The following MAPK13 variants were observed in gnomAD, a reference collection of about 807,000 sequenced individuals.
MAPK13 encodes the protein MAP kinase 13.
MAPK13 carries 39 observed loss-of-function variants against 53.5 expected under a neutral mutation model. The ratio of observed to expected loss-of-function variants is 0.73; its 90% CI spans 0.56 to 0.95. The LOEUF is 0.95. MAPK13 is among the 40% of genes least tolerant of loss of function. MAPK13 has a pLI of 0.00. For missense variants in MAPK13, 460 were observed against 471.8 expected (o/e 0.98, Z 0.23); for synonymous variants, 179 against 190.9 (o/e 0.94, Z 0.51).
rs1766345973 is a variant in MAPK13, at chr6:36,132,759, G to A, written c.308+80G>A. 5 of 1,491,938 alleles carry A rather than the reference G, an allele frequency of 3.4e-6. No homozygotes were observed. In the South Asian group the frequency reaches 3.4e-5, roughly 10 times the overall value. The allele number at this position is 1,491,938 out of a possible 1,614,324, so 92.4% of individuals were successfully genotyped here. On this transcript the variant is annotated intron_variant, in intron 3 of 11. Transcript: ENST00000211287. Reference sequence around the variant, plus strand: ...GGAGCAAGGTGGGGGAGGGTCTAGGGTTTCTATTCCGGGTGTGGCGGGGAG... The same window carrying A: ...GGAGCAAGGTGGGGGAGGGTCTAGGATTTCTATTCCGGGTGTGGCGGGGAG...
intron 9 of MAPK13, 85 bp downstream of exon 9, chr6:36,138,529 A>C (rs1302651008): frequency 4.3e-6 from 6 of 1,401,522 alleles, no homozygotes; most frequent in African/African-American, 2.8e-5. Context: ...TTGTGGAAGA[A>C]GGCTCACCAG....
At position 36,136,775 on chromosome 6, in the gene MAPK13, G is replaced by C; in HGVS notation, c.610+5G>C. 6.2e-7 allele frequency: 1 copy of C among 1,613,930 alleles called. No individual in the cohort carries two copies. On this transcript the variant is annotated splice_donor_5th_base_variant and intron_variant, in intron 7 of 11. Coordinates refer to ENST00000211287, the MANE Select transcript of MAPK13 (RefSeq NM_002754.5). ...GGATGCACTACAACCAGACAGGTCA[G>C]TGGTCAATGCCTGAGAGGGCGGTCC...
chr6:36,131,434 G>A lies in MAPK13; in HGVS notation c.249+34G>A, dbSNP rs771621286. The stretch of plus-strand genomic sequence containing the variant: ...TGGCTGCCCCGGGGAGGGGGTGGGG[G>A]CTGCCCTGGGGAGTCAGGGGCAGGC... On this transcript the variant is annotated intron_variant, in intron 2 of 11. Transcript: ENST00000211287. 6.9e-6 allele frequency: 11 copies of A among 1,596,318 alleles called. No individual in the cohort carries two copies. In the South Asian group the frequency reaches 7.9e-5, roughly 11 times the overall value.
intron 3 of MAPK13, among the ~76,000 whole-genome samples, chr6:36,134,504 C>T (rs753698231): frequency 7.9e-5 from 12 of 152,156 alleles, no homozygotes; most frequent in Non-Finnish European, 8.8e-5. Flanking sequence ...GCCATCCTCC[C>T]GCCTCAGCCC....
rs527743184 is a variant in MAPK13, at chr6:36,134,388, A to T, written c.309-1365A>T. On this transcript the variant is annotated intron_variant, in intron 3 of 11. Coordinates refer to ENST00000211287, the MANE Select transcript of MAPK13 (RefSeq NM_002754.5). ...AATTGTTTAAGGTAACATTCATTTT[A>T]AAAAAGTTTTAAATTTATTATATTC... Among the ~76,000 whole-genome samples, 82 of 152,308 alleles carry T rather than the reference A, an allele frequency of 5.4e-4. No individual in the cohort carries two copies. In the South Asian group the frequency reaches 5.4e-3, roughly 10 times the overall value.
Position 36,131,272 on chromosome 6 carries a change from T to C in MAPK13, c.121T>C (p.Ser41Pro). 6.2e-7 allele frequency: 1 copy of C among 1,612,114 alleles called. No homozygotes were observed. The highest frequency in any genetic ancestry group is 1.1e-5 in the South Asian group (1 of 90,972). Residue 41 changes from serine to proline, a missense_variant and splice_region_variant, in exon 2 of 12, where the codon TCG becomes CCG. Physicochemically the swap from Ser to Pro is moderately conservative, Grantham distance 74. Transcript: ENST00000211287. ...TGCTGACCGGCCTGTGCCCGACAGC[T>C]CGGCCATCGACAAGCGGTCAGGGGA... The part of the protein sequence containing the change: ...VGSGAYGSVC[S>P]AIDKRSGEKV...
At chr6:36,134,602 T>C (rs544582235) in intron 3 of MAPK13, among the ~76,000 whole-genome samples, 43 of 152,232 alleles carry the variant, frequency 2.8e-4, no homozygotes, top group Middle Eastern at 3.4e-3. Flanking sequence ...CTCACTATGT[T>C]ACTCATCCTG....
rs1036649507 is a variant in MAPK13, at chr6:36,138,443, C to T, written c.761C>T (p.Ala254Val). 4 of 1,613,648 alleles carry T rather than the reference C, an allele frequency of 2.5e-6. No individual in the cohort carries two copies. The highest frequency in any genetic ancestry group is 2.7e-5 in the African/African-American group (2 of 74,882). The change falls in exon 9 of 12, where the codon GCG (alanine) becomes GTG (valine). Residue 254 changes from alanine (A) to valine (V), a missense_variant and splice_region_variant. Transcript: ENST00000211287. ...TEFVQKLNDK[A>V]AKSYIQSLPQ... ...TTTGTGCAGAAGCTGAACGACAAAG[C>T]GGTGGGTGGTAAATGGGACCTAGGC...
At chr6:36,137,096 G>A (rs574245202) in intron 8 of MAPK13, 146 bp downstream of exon 8, 269 of 714,934 alleles carry the variant, frequency 3.8e-4, no homozygotes, top group African/African-American at 7.3e-4. Context: ...AAGGCTGGAC[G>A]CAGTGGTTCA....
rs886948228 is a variant in MAPK13, at chr6:36,131,402, T to C, written c.249+2T>C. 6 of 1,610,984 alleles carry C rather than the reference T, an allele frequency of 3.7e-6. No homozygotes were observed. The African/African-American group carries it at 5.3e-5, about 14-fold the overall frequency. ...CTGAAGCACATGCAGCATGAGAACG[T>C]AGGTGGTGGCTGCCCCGGGGAGGGG... On this transcript the variant is annotated splice_donor_variant, in intron 2 of 11. Transcript: ENST00000211287. LOFTEE classifies it high-confidence loss of function.
chr6:36,131,630 T>TGTGTTATCCTAC (rs1475155256), intron 2 of MAPK13, among the ~76,000 whole-genome samples: 2 of 152,212 alleles, frequency 1.3e-5, no homozygotes, highest in East Asian at 3.8e-4. Flanking sequence ...AGGTACAGAC[T>TGTGTTATCCTAC]GTGTTATCCT....
Position 36,136,513 on chromosome 6 carries a change from T to G in MAPK13, c.477T>G (p.Asn159Lys). 2 of 1,604,172 alleles carry G rather than the reference T, an allele frequency of 1.2e-6. No homozygotes were observed. The highest frequency in any genetic ancestry group is 1.7e-6 in the Non-Finnish European group (2 of 1,175,320). ...TGAAGCCAGGCAACCTGGCTGTGAA[T>G]GAGGACTGTGAACTGAAGGTGAGTG... ...RDLKPGNLAV[N>K]EDCELKILDF... Residue 159 changes from asparagine (N) to lysine (K), a missense_variant, in exon 6 of 12, where the codon AAT becomes AAG. Asn to Lys is a moderately conservative substitution (Grantham distance 94). Coordinates refer to ENST00000211287, the MANE Select transcript of MAPK13 (RefSeq NM_002754.5).
intron 8 of MAPK13, among the ~76,000 whole-genome samples, chr6:36,138,102 GAA>G (rs2127487154): frequency 6.6e-6 from 1 of 152,118 alleles, no homozygotes; most frequent in East Asian, 1.9e-4. Flanking sequence ...CGAGGAAACA[GAA>G]AAGAGTCACT....
intron 8 of MAPK13, among the ~76,000 whole-genome samples, chr6:36,137,771 G>C (rs1221569274): frequency 6.6e-6 from 1 of 151,728 alleles, no homozygotes; most frequent in African/African-American, 2.4e-5. Flanking sequence ...GACCAGCCTG[G>C]CCAACGTGGT....
intron 8 of MAPK13, among the ~76,000 whole-genome samples, chr6:36,137,735 C>T (rs958747001): frequency 2.2e-4 from 33 of 150,922 alleles, no homozygotes; most frequent in African/African-American, 7.5e-4. Context: ...CCATGGCAGG[C>T]GGATCACCTG....
Position 36,138,902 on chromosome 6 carries a change from C to G in MAPK13, c.865C>G (p.Leu289Val). Residue 289 changes from leucine to valine, a missense_variant, in exon 11 of 12, where the codon CTG becomes GTG. By Grantham distance (32) the Leu-to-Val change is conservative. Coordinates refer to ENST00000211287, the MANE Select transcript of MAPK13 (RefSeq NM_002754.5). Reference sequence around the variant, plus strand: ...AGCTGCGGACCTGCTGGAGAAGATGCTGGAGCTAGACGTGGACAAGCGCCT... The same window carrying G: ...AGCTGCGGACCTGCTGGAGAAGATGGTGGAGCTAGACGTGGACAAGCGCCT... ...PQAADLLEKM[L>V]ELDVDKRLTA... The G allele has an allele frequency of 6.2e-7, 1 of 1,611,124 alleles. No individual in the cohort carries two copies. The highest frequency in any genetic ancestry group is 8.5e-7 in the Non-Finnish European group (1 of 1,178,668).
Position 36,130,619 on chromosome 6 carries a change from G to C in MAPK13, c.37G>C (p.Asp13His), listed in dbSNP as rs1364272384. The C allele has an allele frequency of 1.9e-6, 3 of 1,584,906 alleles. No homozygotes were observed. The African/African-American group carries it at 4.2e-5, about 22-fold the overall frequency. The change falls in exon 1 of 12, where the codon GAC (aspartate) becomes CAC (histidine). Residue 13 changes from aspartate (D) to histidine (H), a missense_variant. Transcript: ENST00000211287. This position sits in a 1 kb window ranked among gnomAD's most constrained non-coding sequence, Gnocchi z 4.5. The stretch of plus-strand genomic sequence containing the variant: ...CCGGAAAAAGGGCTTCTACAAGCAG[G>C]ACGTCAACAAGACAGCCTGGGAGCT... ...LIRKKGFYKQ[D>H]VNKTAWELPK...
chr6:36,136,003 T>G lies in MAPK13; in HGVS notation c.418-16T>G, dbSNP rs1211422360. 1 of 1,614,042 alleles carries G rather than the reference T, an allele frequency of 6.2e-7. No homozygotes were observed. Among genetic ancestry groups the G allele is most frequent in the East Asian group, 2.2e-5 (1 of 44,864 alleles). ...AAGCTGGGCCATGGACTCACCCTTC[T>G]CTCTCTCCCACATAGTACATCCACT... On this transcript the variant is annotated splice_polypyrimidine_tract_variant and intron_variant, in intron 4 of 11. Transcript: ENST00000211287.
In MAPK13 at chr6:36,132,555, G is replaced by A. The variant is rs575962503; in HGVS notation, c.250-66G>A. On this transcript the variant is annotated intron_variant, in intron 2 of 11. Coordinates refer to ENST00000211287, the MANE Select transcript of MAPK13 (RefSeq NM_002754.5). ...GGTGGATGGCCCTGTGCATGGCCAG[G>A]GCCCAGGAGGAGGTGGGAGGAGAAG... 3 of 1,474,082 alleles carry A rather than the reference G, an allele frequency of 2.0e-6. No individual in the cohort carries two copies. The African/African-American group carries it at 4.2e-5, about 20-fold the overall frequency. 91.3% of individuals were successfully genotyped at this position (1,474,082 alleles called of 1,614,324 possible).
Sources: allele counts gnomAD v4.1 joint callset (sites outside exome capture counted in the v4.1 genomes callset), GRCh38; gene constraint gnomAD v4.1.1; non-coding constraint Gnocchi (gnomAD v3.1); transcripts MANE v1.5; gene names NCBI Gene and HGNC (gene_info 2026-07-23, HGNC 2026-07-21).